The following SMYD3 variants were observed in gnomAD, a reference collection of about 807,000 sequenced individuals.
SMYD3 encodes the protein SET and MYND domain containing 3, also known as histone-lysine N-methyltransferase SMYD3.
In SMYD3, 36 loss-of-function variants were observed where a neutral mutation model predicts 57.7. That is an observed-to-expected ratio of 0.62 (90% confidence interval 0.48 to 0.82). The LOEUF (loss-of-function observed/expected upper bound fraction) is 0.82, where lower values mean the gene tolerates loss of function less well. Ranked by LOEUF, SMYD3 falls within the 40% of genes least tolerant of loss-of-function variation. The probability of loss-of-function intolerance (pLI) is 0.00; values close to 1 mark genes in which losing one functional copy is unlikely to be tolerated. For synonymous variants in SMYD3, 211 were observed against 195.0 expected (o/e 1.08, Z -0.68); for missense variants, 515 against 538.8 (o/e 0.96, Z 0.44).
At position 245,877,164 on chromosome 1, in the gene SMYD3, G is replaced by A. The variant is rs1409315757; in HGVS notation, c.814-13278C>T. Among the ~76,000 whole-genome samples, 5 of 152,280 alleles carry A rather than the reference G, an allele frequency of 3.3e-5. No individual in the cohort carries two copies. In the South Asian group the frequency reaches 6.2e-4, roughly 19 times the overall value. On this transcript the variant is annotated intron_variant, in intron 8 of 11. Coordinates refer to ENST00000490107, the MANE Select transcript of SMYD3 (RefSeq NM_001167740.2). The stretch of plus-strand genomic sequence containing the variant: ...CGCTGCGGAGACGGGGCAGCTCCCC[G>A]GCCCTCTGCTGCCCTACTAGGTCTG...
intron 8 of SMYD3, among the ~76,000 whole-genome samples, chr1:245,894,572 C>A (rs910894673): frequency 6.6e-6 from 1 of 152,158 alleles, no homozygotes; most frequent in Non-Finnish European, 1.5e-5. Context: ...GACCATGAAC[C>A]CACCGGAAGG....
intron 5 of SMYD3, among the ~76,000 whole-genome samples, chr1:246,083,542 C>T (rs2060678193): frequency 6.6e-6 from 1 of 152,248 alleles, no homozygotes; most frequent in African/African-American, 2.4e-5. Context: ...TTTTCCTTCT[C>T]TATACTTTGT....
intron 5 of SMYD3, among the ~76,000 whole-genome samples, chr1:246,299,891 C>G (rs1378797858): frequency 1.6e-5 from 1 of 60,852 alleles, no homozygotes; most frequent in South Asian, 1.1e-3. Flanking sequence ...GGGTACTAGG[C>G]TGAAAAATGA....
intron 5 of SMYD3, among the ~76,000 whole-genome samples, chr1:246,301,090 A>G (rs1293487940): frequency 6.6e-6 from 1 of 152,182 alleles, no homozygotes; most frequent in Non-Finnish European, 1.5e-5. Flanking sequence ...TTAAAATACT[A>G]CCAGTACCAA....
At chr1:246,320,908 G>A (rs930308821) in intron 5 of SMYD3, among the ~76,000 whole-genome samples, 7 of 152,158 alleles carry the variant, frequency 4.6e-5, no homozygotes, top group African/African-American at 1.4e-4. Flanking sequence ...ACTGAAGCAC[G>A]CTTAATTCCA....
At chr1:246,156,101 G>A (rs1488232212) in intron 5 of SMYD3, among the ~76,000 whole-genome samples, 1 of 151,678 alleles carries the variant, frequency 6.6e-6, no homozygotes, top group African/African-American at 2.4e-5. Context: ...TTTGACTTTG[G>A]CTCTTAACCT....
intron 10 of SMYD3, among the ~76,000 whole-genome samples, chr1:245,784,517 C>A (rs2046957151): frequency 6.6e-6 from 1 of 152,142 alleles, no homozygotes; most frequent in Non-Finnish European, 1.5e-5. Flanking sequence ...GCTCAAAGAT[C>A]TATTTCCAAG....
chr1:245,878,247 G>T (rs1363758419), intron 8 of SMYD3, among the ~76,000 whole-genome samples: 1 of 152,220 alleles, frequency 6.6e-6, no homozygotes, highest in Non-Finnish European at 1.5e-5. Flanking sequence ...AATGGTTAGA[G>T]GCAAGAGCTG....
chr1:246,012,233 C>A (rs921890918), intron 5 of SMYD3, among the ~76,000 whole-genome samples: 38 of 152,284 alleles, frequency 2.5e-4, no homozygotes, highest in African/African-American at 9.1e-4. Flanking sequence ...TTGAAAACCA[C>A]ACACCATGAC....
chr1:245,796,143 A>G (rs2047513305), intron 10 of SMYD3, among the ~76,000 whole-genome samples: 1 of 152,250 alleles, frequency 6.6e-6, no homozygotes, highest in South Asian at 2.1e-4. Flanking sequence ...CCAATGTGAA[A>G]GACAGCAGAC....
chr1:246,048,020 C>T lies in SMYD3; in HGVS notation c.532-118083G>A, dbSNP rs149746789. Among the ~76,000 whole-genome samples, 27 of 152,116 alleles carry T rather than the reference C, an allele frequency of 1.8e-4. No homozygotes were observed. The East Asian group carries it at 3.3e-3, about 18-fold the overall frequency. On this transcript the variant is annotated intron_variant, in intron 5 of 11. Transcript: ENST00000490107. ...ACAAGTGACATCCTAGCGAAAATAT[C>T]CGTAAAATGTTGAACAAAGTGTTGA...
intron 5 of SMYD3, among the ~76,000 whole-genome samples, chr1:246,105,319 C>T (rs552222123): frequency 4.6e-5 from 7 of 152,032 alleles, no homozygotes; most frequent in South Asian, 2.1e-4. Flanking sequence ...CACCAAATCC[C>T]GTTTAGGAGG....
chr1:245,858,450 G>A (rs369572604), intron 10 of SMYD3, 46 bp downstream of exon 10: 16 of 1,548,544 alleles, frequency 1.0e-5, no homozygotes, highest in Middle Eastern at 2.0e-4. Context: ...TTTGCCCAAC[G>A]TGAAGACGTC....
At chr1:246,413,792 A>C (rs960892423) in intron 1 of SMYD3, among the ~76,000 whole-genome samples, 2 of 152,178 alleles carry the variant, frequency 1.3e-5, no homozygotes, top group African/African-American at 4.8e-5. Context: ...AGGCTGCAGA[A>C]GTGTGAGCCA....
chr1:245,764,702 A>G (rs995858857), intron 10 of SMYD3, among the ~76,000 whole-genome samples: 1 of 151,866 alleles, frequency 6.6e-6, no homozygotes, highest in Non-Finnish European at 1.5e-5. Flanking sequence ...TTTATTTATC[A>G]TCTCACTGGA....
chr1:246,319,051 T>G (rs1458683925), intron 5 of SMYD3, among the ~76,000 whole-genome samples: 1 of 152,210 alleles, frequency 6.6e-6, no homozygotes. Context: ...CCTACAAACA[T>G]CACTTTATTT....
At chr1:245,865,814 T>G (rs931474086) in intron 8 of SMYD3, among the ~76,000 whole-genome samples, 1 of 152,196 alleles carries the variant, frequency 6.6e-6, no homozygotes, top group Non-Finnish European at 1.5e-5. Context: ...ACAGAACAGT[T>G]CACTATGTCA....
intron 1 of SMYD3, among the ~76,000 whole-genome samples, chr1:246,429,372 T>A (rs1163346977): frequency 3.9e-5 from 6 of 152,154 alleles, no homozygotes; most frequent in Non-Finnish European, 7.4e-5. Flanking sequence ...AAAGATACCA[T>A]TAAAAACAGT....
chr1:246,362,712 C>A (rs1174047899), intron 1 of SMYD3, among the ~76,000 whole-genome samples: 4 of 152,286 alleles, frequency 2.6e-5, no homozygotes, highest in African/African-American at 9.6e-5. Flanking sequence ...ATCCGCCAGC[C>A]TCGGCCTCCC....
Sources: allele counts gnomAD v4.1 joint callset (sites outside exome capture counted in the v4.1 genomes callset), GRCh38; gene constraint gnomAD v4.1.1; transcripts MANE v1.5; gene names NCBI Gene and HGNC (gene_info 2026-07-23, HGNC 2026-07-21).